ARHGAP44: variants seen among roughly 807,000 people sequenced by gnomAD.
ARHGAP44 encodes the protein Rho GTPase activating protein 44, also known as rho GTPase-activating protein 44.
In ARHGAP44, 43 loss-of-function variants were observed where a neutral mutation model predicts 106.8. The ratio of observed to expected loss-of-function variants is 0.40; its 90% CI spans 0.32 to 0.52. The LOEUF (loss-of-function observed/expected upper bound fraction) is 0.52. ARHGAP44 is among the 20% of genes least tolerant of loss of function. The probability of loss-of-function intolerance (pLI) is 0.48; values close to 1 mark genes in which losing one functional copy is unlikely to be tolerated. For synonymous variants in ARHGAP44, 439 were observed against 410.3 expected (o/e 1.07, Z -0.85); for missense variants, 866 against 1,050.5 (o/e 0.82, Z 2.43).
intron 1 of ARHGAP44, among the ~76,000 whole-genome samples, chr17:12,823,913 G>A (rs1232485776): frequency 1.3e-5 from 2 of 152,082 alleles, no homozygotes; most frequent in Non-Finnish European, 2.9e-5. Context: ...CAAAGTCACC[G>A]AACTCCATCT....
intron 1 of ARHGAP44, among the ~76,000 whole-genome samples, chr17:12,869,037 G>C (rs530665301): frequency 3.7e-4 from 56 of 152,110 alleles, no homozygotes; most frequent in Non-Finnish European, 4.9e-4. Flanking sequence ...CATATTTAAG[G>C]GTTTGGTATA....
chr17:12,845,247 C>T (rs762561261), intron 1 of ARHGAP44, among the ~76,000 whole-genome samples: 27 of 152,100 alleles, frequency 1.8e-4, no homozygotes, highest in Non-Finnish European at 3.1e-4. Context: ...CGGTGGCTCA[C>T]GTTTATAATC....
chr17:12,815,149 T>C (rs992948679), intron 1 of ARHGAP44, among the ~76,000 whole-genome samples: 1 of 152,070 alleles, frequency 6.6e-6, no homozygotes, highest in South Asian at 2.1e-4. Flanking sequence ...TTTAAAAGAT[T>C]CTTGTCCTGG....
At chr17:12,811,536 T>C (rs1012493242) in intron 1 of ARHGAP44, among the ~76,000 whole-genome samples, 1 of 152,120 alleles carries the variant, frequency 6.6e-6, no homozygotes, top group Non-Finnish European at 1.5e-5. Flanking sequence ...GTAACTTTTA[T>C]TGGAAAAAGT....
At position 12,974,098 on chromosome 17, in the gene ARHGAP44, G is replaced by A; in HGVS notation, c.1551G>A (p.Val517=). 2 of 1,567,626 alleles carry A rather than the reference G, an allele frequency of 1.3e-6. No homozygotes were observed. The highest frequency in any genetic ancestry group is 2.3e-5 in the South Asian group (2 of 85,110). ...TTGTGTCCCTCGCCAGCATGGGTGTGAGGGTCATGGACACAAACTGGGTGG... is the reference window on the plus strand; with the variant it reads ...TTGTGTCCCTCGCCAGCATGGGTGTAAGGGTCATGGACACAAACTGGGTGG... ...DGLRKIQSMG[V]RVMDTNWVAR... The change falls in exon 18 of 21, where the codon GTG becomes GTA. Residue 517 remains valine (V), a synonymous_variant. Transcript: ENST00000379672.
chr17:12,881,665 A>G (rs891637827), intron 1 of ARHGAP44, among the ~76,000 whole-genome samples: 3 of 152,010 alleles, frequency 2.0e-5, no homozygotes, highest in African/African-American at 7.2e-5. Flanking sequence ...TTGCATTTCC[A>G]TACAAATTTT....
intron 6 of ARHGAP44, among the ~76,000 whole-genome samples, chr17:12,922,779 A>G (rs1049366723): frequency 3.3e-5 from 5 of 152,022 alleles, no homozygotes; most frequent in African/African-American, 1.2e-4. Context: ...TTGTATTTTT[A>G]GTATAGACGG....
chr17:12,896,969 G>A (rs985143912), intron 3 of ARHGAP44, among the ~76,000 whole-genome samples: 6 of 152,070 alleles, frequency 3.9e-5, no homozygotes, highest in African/African-American at 7.2e-5. Flanking sequence ...AATTGTTTTC[G>A]CCCTAATGAG....
chr17:12,905,731 C>CT (rs1246947772), intron 3 of ARHGAP44, among the ~76,000 whole-genome samples: 2 of 152,208 alleles, frequency 1.3e-5, no homozygotes, highest in African/African-American at 4.8e-5. Flanking sequence ...ATCCTCTCTT[C>CT]TTTGTCCAAT....
intron 18 of ARHGAP44, among the ~76,000 whole-genome samples, chr17:12,978,049 A>AAAAAAAAAAAAAAAAAT (rs1567721101): frequency 6.7e-6 from 1 of 149,924 alleles, no homozygotes; most frequent in African/African-American, 2.5e-5. Context: ...AAAAAAAAAA[A>AAAAAAAAAAAAAAAAAT]AAAAAAAGTG....
chr17:12,987,135 G>A (rs1445374331), intron 20 of ARHGAP44: 1 of 1,533,746 alleles, frequency 6.5e-7, no homozygotes, highest in African/African-American at 1.4e-5. Flanking sequence ...TTGGATACGT[G>A]TGAGGGGGAT....
chr17:12,799,398 A>C (rs1350769824), intron 1 of ARHGAP44, among the ~76,000 whole-genome samples: 1 of 152,174 alleles, frequency 6.6e-6, no homozygotes, highest in Admixed American at 6.5e-5. Context: ...TCTGGAACCT[A>C]GTCTATCCAT....
chr17:12,934,089 C>T (rs2038477860), intron 7 of ARHGAP44, among the ~76,000 whole-genome samples: 2 of 152,032 alleles, frequency 1.3e-5, no homozygotes, highest in Non-Finnish European at 2.9e-5. Flanking sequence ...CCTCGTGATC[C>T]ACCCGCCTCA....
chr17:12,925,437 C>T (rs2038204540), intron 6 of ARHGAP44, among the ~76,000 whole-genome samples: 1 of 152,206 alleles, frequency 6.6e-6, no homozygotes, highest in Non-Finnish European at 1.5e-5. Context: ...AGGGGCAAGA[C>T]TAGACAGAAG....
chr17:12,876,946 A>T (rs903543161), intron 1 of ARHGAP44, among the ~76,000 whole-genome samples: 10 of 151,452 alleles, frequency 6.6e-5, no homozygotes, highest in African/African-American at 2.2e-4. Flanking sequence ...AGATATTTTG[A>T]TAGTCCAGGG....
Position 12,958,929 on chromosome 17 carries a change from G to A in ARHGAP44, c.1523+32G>A, listed in dbSNP as rs370757655. The A allele has an allele frequency of 6.2e-4, 982 of 1,583,144 alleles. 2 individuals are homozygous for A. The highest frequency in any genetic ancestry group is 7.2e-4 in the Non-Finnish European group (841 of 1,163,978). ...ACTGGTGTCTCTTTCTCAGCACTGG[G>A]GATTAGGGGAGGTGGTGGGGGTGGA... On this transcript the variant is annotated intron_variant, in intron 16 of 20. Coordinates refer to ENST00000379672, the MANE Select transcript of ARHGAP44 (RefSeq NM_014859.6). The surrounding 1 kb of genome is among the most constrained non-coding windows in gnomAD (Gnocchi z 4.1).
intron 6 of ARHGAP44, among the ~76,000 whole-genome samples, chr17:12,924,456 G>C (rs1179081486): frequency 2.6e-5 from 4 of 152,160 alleles, no homozygotes; most frequent in African/African-American, 7.2e-5. Flanking sequence ...TTTCTCCAAA[G>C]TCAGCCTGAC....
intron 1 of ARHGAP44, among the ~76,000 whole-genome samples, chr17:12,854,869 A>C (rs1040453555): frequency 1.3e-5 from 2 of 151,568 alleles, no homozygotes; most frequent in Non-Finnish European, 2.9e-5. Flanking sequence ...GAGGCCGCAG[A>C]ATCGCTTGAA....
chr17:12,849,982 C>G (rs1040202284), intron 1 of ARHGAP44, among the ~76,000 whole-genome samples: 15 of 152,208 alleles, frequency 9.9e-5, no homozygotes, highest in African/African-American at 3.4e-4. Context: ...CATAAAAGAG[C>G]ATTCAGATTT....
Sources: gnomAD v4.1 joint callset for allele counts (sites outside exome capture counted in the v4.1 genomes callset) on GRCh38, gnomAD v4.1.1 for gene constraint, Gnocchi (gnomAD v3.1) non-coding constraint, MANE v1.5 for transcripts, NCBI Gene and HGNC (gene_info 2026-07-23, HGNC 2026-07-21) for gene names.